Variants in BNC2 observed in about 807,000 individuals in gnomAD.
BNC2 encodes zinc finger protein basonuclin-2.
In BNC2, 20 loss-of-function variants were observed where a neutral mutation model predicts 76.3. That is an observed-to-expected ratio of 0.26 (90% CI 0.18 to 0.38). The LOEUF is 0.38. Ranked by LOEUF, BNC2 falls within the 10% of genes least tolerant of loss-of-function variation. BNC2 has a pLI of 1.00. For synonymous variants in BNC2, 582 were observed against 514.8 expected (o/e 1.13, Z -1.77); for missense variants, 1,382 against 1,399.8 (o/e 0.99, Z 0.20).
intron 3 of BNC2, among the ~76,000 whole-genome samples, chr9:16,694,282 G>C (rs184534464): frequency 4.1e-4 from 63 of 152,132 alleles, no homozygotes; most frequent in African/African-American, 1.4e-3. Context: ...CATCAGAAAG[G>C]GAAAGAGCAA....
At chr9:16,811,327 G>C (rs145375995) in intron 1 of BNC2, among the ~76,000 whole-genome samples, 3,134 of 150,986 alleles carry the variant, frequency 0.021, 101 homozygotes, top group African/African-American at 0.071. Flanking sequence ...AACGCGGGTG[G>C]ATCATGTGAG....
At chr9:16,423,523 A>C (rs1339205918) in intron 6 of BNC2, among the ~76,000 whole-genome samples, 1 of 152,198 alleles carries the variant, frequency 6.6e-6, no homozygotes, top group Non-Finnish European at 1.5e-5. Flanking sequence ...ACTCAATCTT[A>C]TGTGTCCTGC....
chr9:16,434,468 T>C (rs1365739752), intron 6 of BNC2, among the ~76,000 whole-genome samples: 1 of 152,204 alleles, frequency 6.6e-6, no homozygotes, highest in Non-Finnish European at 1.5e-5. Context: ...TAAAATTTTC[T>C]CTAAAATATT....
rs1342680045 is a variant in BNC2, at chr9:16,414,509, T to A, written c.*4480A>T. 6.6e-6 allele frequency: 1 copy of A among 152,202 alleles called. No individual in the cohort carries two copies. Among genetic ancestry groups the A allele is most frequent in the Admixed American group, 6.5e-5 (1 of 15,284 alleles). The allele number at this position is 152,202 out of a possible 1,614,324, so 9.4% of individuals were successfully genotyped here. On this transcript the variant is annotated 3_prime_UTR_variant, in exon 7 of 7. Transcript: ENST00000380672. ...AAGTGATTTTAAAGAATGAAATTCG[T>A]TTGTCATAATTTTAAAAAAGAAGCT...
intron 3 of BNC2, among the ~76,000 whole-genome samples, chr9:16,609,108 T>C (rs1820466349): frequency 6.6e-6 from 1 of 152,150 alleles, no homozygotes; most frequent in South Asian, 2.1e-4. Flanking sequence ...TGGCTAACTC[T>C]GATCACTGAT....
chr9:16,824,895 G>C (rs1305129565), intron 1 of BNC2, among the ~76,000 whole-genome samples: 1 of 152,198 alleles, frequency 6.6e-6, no homozygotes, highest in Non-Finnish European at 1.5e-5. Context: ...GTTTGGGAGG[G>C]GAGGGGGAAA....
intron 3 of BNC2, among the ~76,000 whole-genome samples, chr9:16,585,818 A>G (rs955699563): frequency 3.9e-5 from 6 of 152,126 alleles, no homozygotes; most frequent in East Asian, 2.0e-4. Flanking sequence ...TCTTGTGAGC[A>G]TGTTCACAGC....
Position 16,454,978 on chromosome 9 carries a change from T to C in BNC2, c.670-17454A>G, listed in dbSNP as rs112156462. Among the ~76,000 whole-genome samples, 734 of 152,146 alleles carry C rather than the reference T, an allele frequency of 4.8e-3. 6 individuals are homozygous for C. The highest frequency in any genetic ancestry group is 0.017 in the African/African-American group (692 of 41,502). On this transcript the variant is annotated intron_variant, in intron 5 of 6. Coordinates refer to ENST00000380672, the MANE Select transcript of BNC2 (RefSeq NM_017637.6). ...AAATTTCCTCAAATGTAAAAATAAA[T>C]GGCAAGAGAGAAAAAGAGTGGCTAT...
chr9:16,699,323 T>G (rs536483928), intron 3 of BNC2: 2 of 381,202 alleles, frequency 5.2e-6, no homozygotes, highest in South Asian at 4.1e-5. Flanking sequence ...TGGAAATGTA[T>G]TAATTCAATC....
chr9:16,646,830 G>C (rs752562061), intron 3 of BNC2, among the ~76,000 whole-genome samples: 2 of 152,160 alleles, frequency 1.3e-5, no homozygotes, highest in South Asian at 4.1e-4. Flanking sequence ...AGGTCACAAA[G>C]GGTATGAGAT....
intron 5 of BNC2, among the ~76,000 whole-genome samples, chr9:16,518,720 C>T (rs1817519547): frequency 6.6e-6 from 1 of 152,086 alleles, no homozygotes; most frequent in Admixed American, 6.6e-5. Flanking sequence ...CCTGCCTCAG[C>T]CTCCTGAGTA....
chr9:16,866,661 TTTAA>T (rs1563977816), intron 1 of BNC2, among the ~76,000 whole-genome samples: 1 of 69,236 alleles, frequency 1.4e-5, no homozygotes. Context: ...TTCTGTCACT[TTTAA>T]AAAAAAAAAA....
At chr9:16,505,105 C>T (rs894667738) in intron 5 of BNC2, among the ~76,000 whole-genome samples, 17 of 152,182 alleles carry the variant, frequency 1.1e-4, no homozygotes, top group African/African-American at 3.9e-4. Flanking sequence ...ATGGAAAGAA[C>T]AGAACCTATC....
intron 1 of BNC2, among the ~76,000 whole-genome samples, chr9:16,817,880 G>C (rs1354760306): frequency 6.6e-6 from 1 of 152,120 alleles, no homozygotes; most frequent in South Asian, 2.1e-4. Flanking sequence ...TAGGGTCAGG[G>C]ATTGAAAGCA....
intron 1 of BNC2, among the ~76,000 whole-genome samples, chr9:16,764,158 G>A (rs1278735483): frequency 6.6e-6 from 1 of 152,172 alleles, no homozygotes; most frequent in East Asian, 1.9e-4. Context: ...CACCCTTGGG[G>A]TGTGTAGCTC....
At chr9:16,826,340 T>G (rs996517165) in intron 1 of BNC2, among the ~76,000 whole-genome samples, 13 of 151,720 alleles carry the variant, frequency 8.6e-5, no homozygotes, top group African/African-American at 3.1e-4. Context: ...CTAGAAGGTT[T>G]TAAAAGCATC....
At position 16,566,778 on chromosome 9, in the gene BNC2, A is replaced by T. The variant is rs145382604; in HGVS notation, c.434-14013T>A. On this transcript the variant is annotated intron_variant, in intron 4 of 6. Transcript: ENST00000380672. ...CCTGGAAAGTCGTCAGAGAATAGTC[A>T]CACAGTAAGACTGTAAGAAGAGCAT... Among the ~76,000 whole-genome samples, 803 of 152,322 alleles carry T rather than the reference A, an allele frequency of 5.3e-3. 7 individuals carry two copies. The highest frequency in any genetic ancestry group is 0.018 in the African/African-American group (760 of 41,568).
intron 1 of BNC2, among the ~76,000 whole-genome samples, chr9:16,826,119 TCTTA>T (rs1563960439): frequency 1.3e-5 from 2 of 152,060 alleles, no homozygotes; most frequent in African/African-American, 4.8e-5. Flanking sequence ...TGCAGCTGGA[TCTTA>T]CTTACCACCA....
chr9:16,726,002 G>A (rs1319424), intron 3 of BNC2, among the ~76,000 whole-genome samples: 106,833 of 151,130 alleles, frequency 0.71, 37,803 homozygotes, highest in Non-Finnish European at 0.73. Flanking sequence ...ACACACACAC[G>A]CACACACACA....
Sources: allele counts gnomAD v4.1 joint callset (sites outside exome capture counted in the v4.1 genomes callset), GRCh38; gene constraint gnomAD v4.1.1; transcripts MANE v1.5; gene names NCBI Gene and HGNC (gene_info 2026-07-23, HGNC 2026-07-21).